Variants in UGT1A8 observed in about 807,000 individuals in gnomAD.
UGT1A8 encodes the protein UDP glucuronosyltransferase family 1 member A8.
UGT1A8 carries 39 observed loss-of-function variants against 45.3 expected under a neutral mutation model. The observed-to-expected ratio is 0.86, with a 90% confidence interval of 0.67 to 1.12. The LOEUF is 1.12. UGT1A8 is among the 50% of genes most tolerant of loss of function. The probability of loss-of-function intolerance (pLI) is 0.00; values close to 1 mark genes in which losing one functional copy is unlikely to be tolerated. For missense variants in UGT1A8, 719 were observed against 664.9 expected (o/e 1.08, Z -0.90); for synonymous variants, 275 against 249.2 (o/e 1.10, Z -0.97).
chr2:233,756,308 C>T (rs147116295), intron 1 of UGT1A8: 65 of 152,294 alleles, frequency 4.3e-4, no homozygotes, highest in African/African-American at 1.5e-3. Context: ...TATAACCTAC[C>T]CATATCCTCC....
In UGT1A8 at chr2:233,685,809, C is replaced by T. The variant is rs756161110; in HGVS notation, c.855+67247C>T. Among the ~76,000 whole-genome samples, 31 of 152,214 alleles carry T rather than the reference C, an allele frequency of 2.0e-4. No homozygotes were observed. In the East Asian group the frequency reaches 3.3e-3, roughly 16 times the overall value. On this transcript the variant is annotated intron_variant, in intron 1 of 4. Transcript: ENST00000373450. Reference sequence around the variant, plus strand: ...AAAATCTTGGCATGTTGTCTCATCACGAAATACTTCACTAAATATAAAAAA... The same window carrying T: ...AAAATCTTGGCATGTTGTCTCATCATGAAATACTTCACTAAATATAAAAAA...
intron 1 of UGT1A8, among the ~76,000 whole-genome samples, chr2:233,675,477 C>A (rs182686828): frequency 6.6e-6 from 1 of 152,068 alleles, no homozygotes; most frequent in African/African-American, 2.4e-5. Context: ...ATGGCAGGTG[C>A]GGCTCTGGGG....
At chr2:233,737,721 CT>C (rs1222184655) in intron 1 of UGT1A8, among the ~76,000 whole-genome samples, 14 of 151,438 alleles carry the variant, frequency 9.2e-5, no homozygotes, top group African/African-American at 1.9e-4. Flanking sequence ...CCAACACCTC[CT>C]TTTTTTTTCC....
At chr2:233,628,715 T>A (rs1424363350) in intron 1 of UGT1A8, among the ~76,000 whole-genome samples, 1 of 152,126 alleles carries the variant, frequency 6.6e-6, no homozygotes, top group Non-Finnish European at 1.5e-5. Context: ...GCATTCAGTC[T>A]TTCACCATCA....
chr2:233,772,541 C>T lies in UGT1A8; in HGVS notation c.1575C>T (p.His525=), dbSNP rs1391662449. The T allele has an allele frequency of 1.2e-6, 2 of 1,613,996 alleles. No homozygotes were observed. Among genetic ancestry groups the T allele is most frequent in the Non-Finnish European group, 1.7e-6 (2 of 1,180,012 alleles). ...AAAAAGGGCGAGTTAAGAAAGCCCACAAATCCAAGACCCATTGAGAAGTGG... is the reference window on the plus strand; with the variant it reads ...AAAAAGGGCGAGTTAAGAAAGCCCATAAATCCAAGACCCATTGAGAAGTGG... The part of the protein sequence containing the change: ...LGKKGRVKKA[H]KSKTH The change falls in exon 5 of 5, where the codon CAC becomes CAT. Residue 525 remains histidine (H), a synonymous_variant. Transcript: ENST00000373450.
intron 1 of UGT1A8, chr2:233,738,890 T>A (rs1690929435): frequency 6.6e-6 from 1 of 152,188 alleles, no homozygotes. Flanking sequence ...TCAGAGACCT[T>A]TGCAGCAGAC....
intron 1 of UGT1A8, among the ~76,000 whole-genome samples, chr2:233,669,188 T>A (rs1221965389): frequency 6.6e-6 from 1 of 152,354 alleles, no homozygotes; most frequent in Non-Finnish European, 1.5e-5. Context: ...TCCAATGATC[T>A]TTTTGTGAAA....
chr2:233,620,332 C>T (rs1337294880), intron 1 of UGT1A8, among the ~76,000 whole-genome samples: 1 of 152,192 alleles, frequency 6.6e-6, no homozygotes, highest in African/African-American at 2.4e-5. Context: ...CATTATCCTC[C>T]ATTAATTACA....
At chr2:233,714,222 C>T (rs2076374156) in intron 1 of UGT1A8, among the ~76,000 whole-genome samples, 1 of 152,096 alleles carries the variant, frequency 6.6e-6, no homozygotes, top group East Asian at 1.9e-4. Flanking sequence ...ATCTTGCTGG[C>T]AAGATTTTCA....
intron 1 of UGT1A8, among the ~76,000 whole-genome samples, chr2:233,720,129 A>G (rs1275543977): frequency 1.3e-5 from 2 of 152,210 alleles, no homozygotes; most frequent in Admixed American, 6.5e-5. Context: ...AGGTGACCAC[A>G]GGAGACCTAG....
intron 1 of UGT1A8, among the ~76,000 whole-genome samples, chr2:233,624,927 T>C (rs961447433): frequency 6.6e-6 from 1 of 152,130 alleles, no homozygotes; most frequent in African/African-American, 2.4e-5. Context: ...TTCCAATTTT[T>C]AATTGTTCAT....
intron 1 of UGT1A8, chr2:233,721,745 AATCTAC>A: frequency 2.3e-6 from 1 of 440,284 alleles, no homozygotes; most frequent in Non-Finnish European, 4.5e-6. Flanking sequence ...ATGATGAGAG[AATCTAC>A]ATCTAAATTG....
chr2:233,760,501 G>T, intron 1 of UGT1A8: 2 of 1,614,238 alleles, frequency 1.2e-6, no homozygotes, highest in East Asian at 2.2e-5. Context: ...CAGAGACGGA[G>T]CATTTTACAC....
chr2:233,729,981 G>A (rs747249815), intron 1 of UGT1A8: 1 of 1,614,052 alleles, frequency 6.2e-7, no homozygotes, highest in Non-Finnish European at 8.5e-7. Flanking sequence ...CCAACAGGAA[G>A]CCACTATCTC....
intron 1 of UGT1A8, among the ~76,000 whole-genome samples, chr2:233,711,920 G>C (rs1379461023): frequency 1.3e-5 from 2 of 152,120 alleles, no homozygotes; most frequent in Non-Finnish European, 2.9e-5. Flanking sequence ...GAGTGCTCAG[G>C]GTCTCTCCAT....
chr2:233,763,100 C>T (rs888370802), intron 1 of UGT1A8, among the ~76,000 whole-genome samples: 9 of 152,128 alleles, frequency 5.9e-5, no homozygotes, highest in Non-Finnish European at 7.3e-5. Context: ...GGAGAGGCAC[C>T]GAACTTTATC....
chr2:233,618,395 A>G lies in UGT1A8; in HGVS notation c.688A>G (p.Ile230Val). Residue 230 changes from isoleucine (I) to valine (V), a missense_variant, in exon 1 of 5, where the codon ATA becomes GTA. By Grantham distance (29) the Ile-to-Val change is conservative. Coordinates refer to ENST00000373450, the MANE Select transcript of UGT1A8 (RefSeq NM_019076.5). ...GTATTTTTCCAAAAATGCCCTAGAA[A>G]TAGCCTCTGAAATTCTCCAAACACC... ...CQYFSKNALE[I>V]ASEILQTPVT... is the part of the protein sequence containing the mutation. 6.2e-7 allele frequency: 1 copy of G among 1,613,894 alleles called. No homozygotes were observed. The highest frequency in any genetic ancestry group is 8.5e-7 in the Non-Finnish European group (1 of 1,179,842).
chr2:233,643,276 C>T (rs891144016), intron 1 of UGT1A8, among the ~76,000 whole-genome samples: 8 of 152,164 alleles, frequency 5.3e-5, no homozygotes, highest in Non-Finnish European at 8.8e-5. Flanking sequence ...AGATGCAGTC[C>T]TTCCCATTCT....
In UGT1A8 at chr2:233,729,997, T is replaced by G; in HGVS notation, c.856-37037T>G. On this transcript the variant is annotated intron_variant, in intron 1 of 4. Transcript: ENST00000373450. ...CAACAGGAAGCCACTATCTCAGGTC[T>G]GTATTGGTGCCTTCATCCAATCAAT... is the stretch of plus-strand genomic sequence containing the variant. 3 of 1,614,024 alleles carry G rather than the reference T, an allele frequency of 1.9e-6. No individual in the cohort carries two copies. The South Asian group carries it at 3.3e-5, about 18-fold the overall frequency.
Sources: gnomAD v4.1 joint callset for allele counts (sites outside exome capture counted in the v4.1 genomes callset) on GRCh38, gnomAD v4.1.1 for gene constraint, MANE v1.5 for transcripts, NCBI Gene and HGNC (gene_info 2026-07-23, HGNC 2026-07-21) for gene names.